BRSK1: variants seen among roughly 807,000 people sequenced by gnomAD.
BRSK1 encodes the protein serine/threonine-protein kinase BRSK1.
A neutral mutation model predicts 86.2 loss-of-function variants in BRSK1; 17 were observed. That is an observed-to-expected ratio of 0.20 (90% CI 0.14 to 0.30). The LOEUF (loss-of-function observed/expected upper bound fraction) is 0.30, where lower values mean the gene tolerates loss of function less well. BRSK1 is among the 10% of genes least tolerant of loss of function. The pLI is 1.00. For synonymous variants in BRSK1, 464 were observed against 440.1 expected (o/e 1.05, Z -0.68); for missense variants, 719 against 1,071.9 (o/e 0.67, Z 4.60).
At chr19:55,288,487 A>G (rs923146230) in intron 3 of BRSK1, among the ~76,000 whole-genome samples, 4 of 151,428 alleles carry the variant, frequency 2.6e-5, no homozygotes, top group African/African-American at 9.7e-5. Context: ...AAAAAAAAAA[A>G]AAAAACTCCA....
At position 55,302,519 on chromosome 19, in the gene BRSK1, G is replaced by A. The variant is rs1373521551; in HGVS notation, c.858-178G>A. On this transcript the variant is annotated intron_variant, in intron 9 of 18. Coordinates refer to ENST00000309383, the MANE Select transcript of BRSK1 (RefSeq NM_032430.2). The surrounding 1 kb of genome is among the most constrained non-coding windows in gnomAD (Gnocchi z 6.3). ...CGGTCGGAGGGAAAAGGGGCTGGAG[G>A]TCTGGACTCCTGGGTCTGAGATGGG... The A allele has an allele frequency of 3.8e-6, 3 of 787,312 alleles. No individual in the cohort carries two copies. In the Admixed American group the frequency reaches 8.3e-5, roughly 22 times the overall value. 48.8% of individuals were successfully genotyped at this position (787,312 alleles called of 1,614,324 possible). A position where few individuals can be genotyped will look rare whatever the true frequency, so the allele number is the denominator to read the frequency against.
At position 55,306,417 on chromosome 19, in the gene BRSK1, G is replaced by C; in HGVS notation, c.2056G>C (p.Gly686Arg). 6.2e-7 allele frequency: 1 copy of C among 1,613,658 alleles called. No homozygotes were observed. Among genetic ancestry groups the C allele is most frequent in the Non-Finnish European group, 8.5e-7 (1 of 1,180,024 alleles). ...SPRRDGSGGG[G>R]IYSVTFTLIS... ...GCGACGGGACGGCAGCGGAGGTGGT[G>C]GCATCTACTCCGTCACCTTCACTCT... The change falls in exon 17 of 19, where the codon GGC becomes CGC. Residue 686 changes from glycine to arginine, a missense_variant. By Grantham distance (125) the Gly-to-Arg change is moderately radical. This residue lies in a region of BRSK1 where 180 missense variants were observed against 259.4 expected (regional missense o/e 0.69). Coordinates refer to ENST00000309383, the MANE Select transcript of BRSK1 (RefSeq NM_032430.2). This position sits in a 1 kb window ranked among gnomAD's most constrained non-coding sequence, Gnocchi z 4.7.
rs538565766 is a variant in BRSK1, at chr19:55,287,813, G to C, written c.317+514G>C. On this transcript the variant is annotated intron_variant, in intron 3 of 18. Transcript: ENST00000309383. The surrounding 1 kb of genome is among the most constrained non-coding windows in gnomAD (Gnocchi z 5.3). ...CTATCTCAAAGTCAATCACCCGCCA[G>C]GAAGGATGGGGGTGGGGGTCCAGCT... is the stretch of plus-strand genomic sequence containing the variant. 2.6e-4 allele frequency among the ~76,000 whole-genome samples: 40 copies of C among 152,346 alleles called. No individual in the cohort carries two copies. Among genetic ancestry groups the C allele is most frequent in the African/African-American group, 9.1e-4 (38 of 41,590 alleles).
chr19:55,301,445 C>T, intron 7 of BRSK1, 67 bp from the exon 8 acceptor site: 1 of 1,554,420 alleles, frequency 6.4e-7, no homozygotes, highest in Non-Finnish European at 8.7e-7. Context: ...ACCGTAGTTC[C>T]CCACCTCCAG....
intron 17 of BRSK1, among the ~76,000 whole-genome samples, chr19:55,308,400 G>C (rs1261032377): frequency 6.6e-6 from 1 of 152,048 alleles, no homozygotes; most frequent in Non-Finnish European, 1.5e-5. Flanking sequence ...GTATCTATTT[G>C]AATAGAAACC....
In BRSK1 at chr19:55,302,946, G is replaced by A; in HGVS notation, c.1028+79G>A. 6.5e-7 allele frequency: 1 copy of A among 1,533,294 alleles called. No homozygotes were observed. The highest frequency in any genetic ancestry group is 8.8e-7 in the Non-Finnish European group (1 of 1,134,458). 95.0% of individuals were successfully genotyped at this position (1,533,294 alleles called of 1,614,324 possible). A position where few individuals can be genotyped will look rare whatever the true frequency, so the allele number is the denominator to read the frequency against. On this transcript the variant is annotated intron_variant, in intron 10 of 18. Transcript: ENST00000309383. This position sits in a 1 kb window ranked among gnomAD's most constrained non-coding sequence, Gnocchi z 6.3. ...GCTCCCTGCGCACATGCAGAGTGCT[G>A]GGCGAGGAACCCTGGCCTCTCATGG...
At chr19:55,289,339 C>G in intron 3 of BRSK1, 141 bp from the exon 4 acceptor site, 1 of 955,672 alleles carries the variant, frequency 1.0e-6, no homozygotes, top group Non-Finnish European at 1.5e-6. Flanking sequence ...TCCCAGGGAC[C>G]CATGGGAATT....
rs2088608463 is a variant in BRSK1, at chr19:55,303,902, C to T, written c.1286+76C>T. The T allele has an allele frequency of 4.6e-6, 7 of 1,521,510 alleles. No homozygotes were observed. Among genetic ancestry groups the T allele is most frequent in the Admixed American group, 2.1e-5 (1 of 47,216 alleles). 94.3% of individuals were successfully genotyped at this position (1,521,510 alleles called of 1,614,324 possible). ...TTCAAGATTCTAACCCCAGCTCTAC[C>T]TCAAATGTGCTGTGTCCTTGGGACA... On this transcript the variant is annotated intron_variant, in intron 12 of 18. Transcript: ENST00000309383. This position sits in a 1 kb window ranked among gnomAD's most constrained non-coding sequence, Gnocchi z 5.1.
chr19:55,299,431 G>A (rs1413491373), intron 7 of BRSK1, among the ~76,000 whole-genome samples: 3 of 151,550 alleles, frequency 2.0e-5, no homozygotes, highest in Non-Finnish European at 2.9e-5. Flanking sequence ...TGTCACCTAG[G>A]ATGGAGTGCA....
chr19:55,312,469 C>T lies in BRSK1; in HGVS notation c.*401C>T, dbSNP rs71368838. The T allele has an allele frequency of 6.3e-6, 1 of 157,854 alleles. No homozygotes were observed. Among genetic ancestry groups the T allele is most frequent in the Non-Finnish European group, 1.2e-5 (1 of 80,396 alleles). 9.8% of individuals were successfully genotyped at this position (157,854 alleles called of 1,614,324 possible). A position where few individuals can be genotyped will look rare whatever the true frequency, so the allele number is the denominator to read the frequency against. ...CCACGACCTTCTGTACGGATTTGCT[C>T]TCCGGAAGGAATTCTGGTTTCGCGT... On this transcript the variant is annotated 3_prime_UTR_variant, in exon 19 of 19. Coordinates refer to ENST00000309383, the MANE Select transcript of BRSK1 (RefSeq NM_032430.2).
Position 55,287,003 on chromosome 19 carries a change from G to A in BRSK1, c.137-4G>A, listed in dbSNP as rs1423574463. ...CACCCCACATTTTCACCCTGCTCCTGCAGGGCTGGTTAAACTCGGGGTCCA... is the reference window on the plus strand; with the variant it reads ...CACCCCACATTTTCACCCTGCTCCTACAGGGCTGGTTAAACTCGGGGTCCA... On this transcript the variant is annotated splice_polypyrimidine_tract_variant and splice_region_variant and intron_variant, in intron 1 of 18. Transcript: ENST00000309383. The surrounding 1 kb of genome is among the most constrained non-coding windows in gnomAD (Gnocchi z 5.3). The A allele has an allele frequency of 5.0e-6, 8 of 1,613,980 alleles. No individual in the cohort carries two copies. The highest frequency in any genetic ancestry group is 6.8e-6 in the Non-Finnish European group (8 of 1,179,920).
chr19:55,299,475 T>A (rs1225733768), intron 7 of BRSK1, among the ~76,000 whole-genome samples: 3 of 147,612 alleles, frequency 2.0e-5, no homozygotes, highest in Non-Finnish European at 4.5e-5. Flanking sequence ...AGCCTCCGCC[T>A]CCTGGGTTCA....
Position 55,312,269 on chromosome 19 carries a change from C to T in BRSK1, c.*201C>T. 6.6e-6 allele frequency: 2 copies of T among 303,064 alleles called. No individual in the cohort carries two copies. Among genetic ancestry groups the T allele is most frequent in the Non-Finnish European group, 1.2e-5 (2 of 170,140 alleles). 18.8% of individuals were successfully genotyped at this position (303,064 alleles called of 1,614,324 possible). A position where few individuals can be genotyped will look rare whatever the true frequency, so the allele number is the denominator to read the frequency against. ...GGAACAGGGGGCGGGGGAGCTGTTT[C>T]TATTTTATTTATTGATTAATTTATT... On this transcript the variant is annotated 3_prime_UTR_variant, in exon 19 of 19. Coordinates refer to ENST00000309383, the MANE Select transcript of BRSK1 (RefSeq NM_032430.2).
Position 55,304,576 on chromosome 19 carries a change from A to G in BRSK1, c.1373A>G (p.Glu458Gly). ...AGTCCGGTCTTTTCCTTTTCACCGG[A>G]GCCGGGGGCTGGAGATGAGGCTCGA... ...PRSPVFSFSP[E>G]PGAGDEARGG... is the part of the protein sequence containing the mutation. The change falls in exon 14 of 19, where the codon GAG becomes GGG. Residue 458 changes from glutamate to glycine, a missense_variant. Around this residue, in one of 6 missense-constraint regions of BRSK1, gnomAD observed 143 missense variants for 120.1 expected, o/e 1.19. Transcript: ENST00000309383. This position sits in a 1 kb window ranked among gnomAD's most constrained non-coding sequence, Gnocchi z 5.2. The G allele has an allele frequency of 3.2e-6, 5 of 1,585,384 alleles. No homozygotes were observed. Among genetic ancestry groups the G allele is most frequent in the Non-Finnish European group, 3.4e-6 (4 of 1,168,098 alleles).
intron 7 of BRSK1, among the ~76,000 whole-genome samples, chr19:55,296,637 G>A (rs1363945141): frequency 6.6e-6 from 1 of 152,158 alleles, no homozygotes; most frequent in East Asian, 1.9e-4. Context: ...ACGAGGTCAG[G>A]AAATCGAGAC....
Position 55,294,503 on chromosome 19 carries a change from T to G in BRSK1, c.678+106T>G, listed in dbSNP as rs1044879646. On this transcript the variant is annotated intron_variant, in intron 7 of 18. Transcript: ENST00000309383. This position sits in a 1 kb window ranked among gnomAD's most constrained non-coding sequence, Gnocchi z 4.9. ...GTCATCTCCTGAATTTATTTATGAA[T>G]TTTATTTATTTATTTTGAGACAGAG... 7.5e-7 allele frequency: 1 copy of G among 1,331,440 alleles called. No individual in the cohort carries two copies. The highest frequency in any genetic ancestry group is 1.0e-6 in the Non-Finnish European group (1 of 969,142). The allele number at this position is 1,331,440 out of a possible 1,614,324, so 82.5% of individuals were successfully genotyped here.
chr19:55,297,167 C>A (rs1325869976), intron 7 of BRSK1, among the ~76,000 whole-genome samples: 1 of 152,096 alleles, frequency 6.6e-6, no homozygotes, highest in Non-Finnish European at 1.5e-5. Context: ...ACCTCCACCT[C>A]CTGGATTCAA....
At chr19:55,301,865 A>C (rs1214300925) in intron 8 of BRSK1, among the ~76,000 whole-genome samples, 1 of 152,188 alleles carries the variant, frequency 6.6e-6, no homozygotes, top group Non-Finnish European at 1.5e-5. Context: ...GGGGAGCTCC[A>C]GGCAGCGGGA....
Position 55,298,305 on chromosome 19 carries a change from C to A in BRSK1, c.679-3207C>A, listed in dbSNP as rs1422094655. On this transcript the variant is annotated intron_variant, in intron 7 of 18. Transcript: ENST00000309383. The stretch of plus-strand genomic sequence containing the variant: ...ATGGCTTGATCTTCTTCGCGGCAAC[C>A]TCCACCTCCTGGGTTCAAGTTATTT... Among the ~76,000 whole-genome samples the A allele has an allele frequency of 6.8e-5, 10 of 146,042 alleles. No homozygotes were observed. In the East Asian group the frequency reaches 2.0e-3, roughly 30 times the overall value.
Sources: allele counts gnomAD v4.1 joint callset (sites outside exome capture counted in the v4.1 genomes callset), GRCh38; gene constraint gnomAD v4.1.1; regional missense constraint gnomAD v4.1.1; non-coding constraint Gnocchi (gnomAD v3.1); transcripts MANE v1.5; gene names NCBI Gene and HGNC (gene_info 2026-07-23, HGNC 2026-07-21).